Variants in CALB1 observed in about 807,000 individuals in gnomAD.
CALB1 encodes calbindin 1.
CALB1 carries 16 observed loss-of-function variants against 46.7 expected under a neutral mutation model. The observed-to-expected ratio is 0.34, with a 90% confidence interval of 0.23 to 0.52. The LOEUF (loss-of-function observed/expected upper bound fraction) is 0.52. Among genes scored for constraint, CALB1 ranks in the 20% least tolerant of loss-of-function variants. The probability of loss-of-function intolerance (pLI) is 0.95; values close to 1 mark genes in which losing one functional copy is unlikely to be tolerated. For synonymous variants in CALB1, 90 were observed against 112.8 expected (o/e 0.80, Z 1.28); for missense variants, 224 against 300.3 (o/e 0.75, Z 1.88).
intron 3 of CALB1, among the ~76,000 whole-genome samples, chr8:90,073,265 C>T (rs1205754865): frequency 3.3e-5 from 5 of 152,104 alleles, no homozygotes; most frequent in Non-Finnish European, 2.9e-5. Flanking sequence ...TTGTGATATG[C>T]TACCCAGAAC....
At chr8:90,064,142 C>T (rs1005079585) in intron 6 of CALB1, 2 of 151,648 alleles carry the variant, frequency 1.3e-5, no homozygotes, top group Non-Finnish European at 1.5e-5. Context: ...ACTAAATGAA[C>T]ACTAAATATG....
At position 90,060,248 on chromosome 8, in the gene CALB1, G is replaced by A. The variant is rs573718259; in HGVS notation, c.711C>T (p.Asn237=). 4.3e-6 allele frequency: 7 copies of A among 1,611,482 alleles called. No individual in the cohort carries two copies. The highest frequency in any genetic ancestry group is 5.9e-6 in the Non-Finnish European group (7 of 1,177,768). The change falls in exon 11 of 11, where the codon AAC becomes AAT. Residue 237 remains asparagine, a synonymous_variant. Transcript: ENST00000265431. ...DINNITTYKK[N]IMALSDGGKL... ...TCCCTCCATCCGACAAAGCCATTAT[G>A]TTCTTCTTGTATGTTGTAATATTAT...
intron 3 of CALB1, among the ~76,000 whole-genome samples, chr8:90,071,286 CT>C (rs200494025): frequency 2.6e-5 from 4 of 152,030 alleles, no homozygotes; most frequent in East Asian, 1.9e-4. Flanking sequence ...ATAAAAATCC[CT>C]TTTTTTTCCT....
At chr8:90,076,853 A>G (rs1814631009) in intron 3 of CALB1, among the ~76,000 whole-genome samples, 1 of 152,038 alleles carries the variant, frequency 6.6e-6, no homozygotes, top group Non-Finnish European at 1.5e-5. Flanking sequence ...CATCCATTTT[A>G]TCCTTATAAA....
At chr8:90,071,454 T>G (rs1413557151) in intron 3 of CALB1, among the ~76,000 whole-genome samples, 1 of 152,152 alleles carries the variant, frequency 6.6e-6, no homozygotes, top group South Asian at 2.1e-4. Context: ...GGGCTCGGCA[T>G]GGAGAGGGGC....
chr8:90,082,262 C>T, intron 1 of CALB1, 160 bp from the exon 2 acceptor site: 1 of 642,974 alleles, frequency 1.6e-6, no homozygotes, highest in African/African-American at 1.8e-5. Context: ...CGCTCCCCTC[C>T]TGGGGTATCA....
Position 90,060,698 on chromosome 8 carries a change from G to A in CALB1, c.603C>T (p.Asp201=), listed in dbSNP as rs2229779. 283 of 1,610,770 alleles carry A rather than the reference G, an allele frequency of 1.8e-4. No individual in the cohort carries two copies. In the African/African-American group the frequency reaches 3.0e-3, roughly 17 times the overall value. The change falls in exon 10 of 11, where the codon GAC becomes GAT. Residue 201 remains aspartate, a splice_region_variant and synonymous_variant. Transcript: ENST00000265431. ...FNKAFELYDQ[D]GNGYIDENEL... The stretch of plus-strand genomic sequence containing the variant: ...CATTTTCATCTATGTATCCATTGCC[G>A]TCCTGGGGGAGGAGAAATAAAATAG...
intron 3 of CALB1, 30 bp from the exon 4 acceptor site, chr8:90,069,267 G>A (rs1172324937): frequency 2.6e-6 from 4 of 1,553,976 alleles, no homozygotes; most frequent in Non-Finnish European, 3.6e-6. Context: ...AGAGAAACGT[G>A]TTGTAAGTTG....
rs769088971 is a variant in CALB1, at chr8:90,063,112, C to A, written c.588G>T (p.Glu196Asp). Reference protein sequence around the residue: ...MCGKEFNKAFELYDQDGNGYI... With the variant: ...MCGKEFNKAFDLYDQDGNGYI... ...AACAAACTTTTACCTGATCATACAG[C>A]TCAAAAGCCTTATTGAACTCTTTCC... The change falls in exon 9 of 11, where the codon GAG (glutamate) becomes GAT (aspartate). Residue 196 changes from glutamate (E) to aspartate (D), a missense_variant. Glu to Asp is a conservative substitution (Grantham distance 45, BLOSUM62 2). Coordinates refer to ENST00000265431, the MANE Select transcript of CALB1 (RefSeq NM_004929.4). The A allele has an allele frequency of 2.5e-6, 4 of 1,608,006 alleles. No homozygotes were observed. The highest frequency in any genetic ancestry group is 3.4e-6 in the Non-Finnish European group (4 of 1,175,604).
At chr8:90,078,574 A>T (rs1010918683) in intron 2 of CALB1, 127 bp from the exon 3 acceptor site, 1 of 582,572 alleles carries the variant, frequency 1.7e-6, no homozygotes, top group African/African-American at 1.9e-5. Context: ...ATAATGATTA[A>T]CTATTCTCAA....
In CALB1 at chr8:90,082,872, C is replaced by A; in HGVS notation, c.-175G>T. ...CTCAGCTCAGCGTTCCTCCAGAGTT[C>A]TCTCCCTACACCCCGCACCCAGTTC... is the stretch of plus-strand genomic sequence containing the variant. On this transcript the variant is annotated 5_prime_UTR_variant, in exon 1 of 11. Transcript: ENST00000265431. The A allele has an allele frequency of 1.6e-6, 1 of 636,746 alleles. No individual in the cohort carries two copies. The highest frequency in any genetic ancestry group is 2.9e-6 in the Non-Finnish European group (1 of 348,310). The allele number at this position is 636,746 out of a possible 1,614,324, so 39.4% of individuals were successfully genotyped here.
chr8:90,072,678 A>G, intron 3 of CALB1, among the ~76,000 whole-genome samples: 1 of 152,228 alleles, frequency 6.6e-6, no homozygotes, highest in Non-Finnish European at 1.5e-5. Flanking sequence ...CTCCAGCTGT[A>G]GCCTTTATGA....
intron 3 of CALB1, 115 bp from the exon 4 acceptor site, chr8:90,069,352 G>A (rs1805873): frequency 0.045 from 35,285 of 780,324 alleles, 1,186 homozygotes; most frequent in East Asian, 0.13. Context: ...TAGAAAAGTA[G>A]GAGAGGAAAA....
intron 2 of CALB1, among the ~76,000 whole-genome samples, chr8:90,080,605 G>A (rs1814711705): frequency 6.6e-6 from 1 of 151,836 alleles, no homozygotes; most frequent in South Asian, 2.1e-4. Context: ...CATGGGGAGG[G>A]TGGAGAGTAT....
chr8:90,076,825 C>T (rs990798763), intron 3 of CALB1, among the ~76,000 whole-genome samples: 6 of 151,646 alleles, frequency 4.0e-5, no homozygotes, highest in Non-Finnish European at 8.8e-5. Context: ...AAAGTAAAAC[C>T]GGGATTCAAA....
At chr8:90,068,049 T>C (rs900032865) in intron 5 of CALB1, among the ~76,000 whole-genome samples, 4 of 152,178 alleles carry the variant, frequency 2.6e-5, no homozygotes, top group Non-Finnish European at 5.9e-5. Context: ...GTAGGGTCTT[T>C]CAGATGGCGA....
chr8:90,069,974 C>CTT (rs200651134), intron 3 of CALB1, among the ~76,000 whole-genome samples: 17 of 140,532 alleles, frequency 1.2e-4, no homozygotes, highest in Middle Eastern at 3.6e-3. Context: ...ATCCTCCTCT[C>CTT]TTTTTTTTTT....
rs959752473 is a variant in CALB1 at position 90,059,477 on chromosome 8, A to G, written c.*696T>C. 1.3e-5 allele frequency: 2 copies of G among 152,480 alleles called. No homozygotes were observed. Among genetic ancestry groups the G allele is most frequent in the African/African-American group, 4.8e-5 (2 of 41,436 alleles). The allele number at this position is 152,480 out of a possible 1,614,324, so 9.4% of individuals were successfully genotyped here. A position where few individuals can be genotyped will look rare whatever the true frequency, so the allele number is the denominator to read the frequency against. On this transcript the variant is annotated 3_prime_UTR_variant, in exon 11 of 11. Coordinates refer to ENST00000265431, the MANE Select transcript of CALB1 (RefSeq NM_004929.4). ...CACATGAAAACAGTTTAGAAAATGGATTTAGGTCATATTCTCTGACAGTAA... is the reference window on the plus strand; with the variant it reads ...CACATGAAAACAGTTTAGAAAATGGGTTTAGGTCATATTCTCTGACAGTAA...
intron 3 of CALB1, among the ~76,000 whole-genome samples, chr8:90,071,104 T>G (rs1385656793): frequency 6.6e-6 from 1 of 152,176 alleles, no homozygotes; most frequent in Admixed American, 6.5e-5. Context: ...TGATTATTAG[T>G]AGATTAAGTC....
Sources: gnomAD v4.1 joint callset for allele counts (sites outside exome capture counted in the v4.1 genomes callset) on GRCh38, gnomAD v4.1.1 for gene constraint, MANE v1.5 for transcripts, NCBI Gene and HGNC (gene_info 2026-07-23, HGNC 2026-07-21) for gene names.